ATP10D: variants seen among roughly 807,000 people sequenced by gnomAD.
The protein encoded by ATP10D is ATPase phospholipid transporting 10D (putative), also known as phospholipid-transporting ATPase VD.
ATP10D carries 89 observed loss-of-function variants against 144.8 expected under a neutral mutation model. That is an observed-to-expected ratio of 0.61 (90% CI 0.52 to 0.73). ATP10D has a LOEUF of 0.73. Among genes scored for constraint, ATP10D ranks in the 30% least tolerant of loss-of-function variants. The probability of loss-of-function intolerance (pLI) is 0.00; values close to 1 mark genes in which losing one functional copy is unlikely to be tolerated. For synonymous variants in ATP10D, 571 were observed against 615.1 expected (o/e 0.93, Z 1.06); for missense variants, 1,603 against 1,714.8 (o/e 0.93, Z 1.15).
intron 1 of ATP10D, among the ~76,000 whole-genome samples, chr4:47,498,292 T>C (rs1715503519): frequency 6.6e-6 from 1 of 152,244 alleles, no homozygotes; most frequent in Non-Finnish European, 1.5e-5. Context: ...GACTAGATAA[T>C]TATTTGTTGT....
At chr4:47,488,611 G>A (rs766558555) in intron 1 of ATP10D, among the ~76,000 whole-genome samples, 9 of 8,704 alleles carry the variant, frequency 1.0e-3, no homozygotes, top group African/African-American at 2.7e-3. Context: ...AATATAATAA[G>A]CAAAAAAAAA....
At chr4:47,494,527 T>G (rs182664840) in intron 1 of ATP10D, among the ~76,000 whole-genome samples, 15 of 99,204 alleles carry the variant, frequency 1.5e-4, no homozygotes, top group Admixed American at 1.4e-3. Flanking sequence ...CCTCATTTAT[T>G]GCTGGAAATT....
chr4:47,558,954 A>T lies in ATP10D; in HGVS notation c.2466A>T (p.Ile822=). The T allele has an allele frequency of 6.2e-7, 1 of 1,614,106 alleles. No individual in the cohort carries two copies. Among genetic ancestry groups the T allele is most frequent in the Non-Finnish European group, 8.5e-7 (1 of 1,180,004 alleles). The stretch of plus-strand genomic sequence containing the variant: ...CAAGTCTGGAGAAACAACAGATGAT[A>T]GTAAGGGAGAAAACCCAGAAGCACT... ...DGASLEKQQM[I]VREKTQKHLD... Residue 822 remains isoleucine, a synonymous_variant, in exon 13 of 23, where the codon ATA becomes ATT. Coordinates refer to ENST00000273859, the MANE Select transcript of ATP10D (RefSeq NM_020453.4).
In ATP10D at chr4:47,535,606, G is replaced by A. The variant is rs1254868676; in HGVS notation, c.874G>A (p.Val292Ile). Residue 292 changes from valine (V) to isoleucine (I), a missense_variant, in exon 6 of 23, where the codon GTT becomes ATT. By Grantham distance (29) the Val-to-Ile change is conservative. Transcript: ENST00000273859. ...RNTEAVVGIV[V>I]YAGHETKAML... Reference sequence around the variant, plus strand: ...CACAGAGGCTGTTGTGGGCATTGTGGTTTATGCAGGTCGGTTATGTTTCTA... The same window carrying A: ...CACAGAGGCTGTTGTGGGCATTGTGATTTATGCAGGTCGGTTATGTTTCTA... 3 of 1,610,454 alleles carry A rather than the reference G, an allele frequency of 1.9e-6. No individual in the cohort carries two copies. The highest frequency in any genetic ancestry group is 1.7e-5 in the Admixed American group (1 of 59,172).
In ATP10D at chr4:47,568,897, C is replaced by A. The variant is rs1178722673; in HGVS notation, c.2914C>A (p.Leu972Met). The change falls in exon 16 of 23, where the codon CTG becomes ATG. Residue 972 changes from leucine to methionine, a missense_variant. Leu to Met is a conservative substitution (Grantham distance 15, BLOSUM62 2). Coordinates refer to ENST00000273859, the MANE Select transcript of ATP10D (RefSeq NM_020453.4). ...AGAACTTCAGAAGAAAACTCAAGCC[C>A]TGCCAGAGCAAGTGTCATTAAGTGA... is the stretch of plus-strand genomic sequence containing the variant. ...LKELQKKTQA[L>M]PEQVSLSEDL... 1 of 1,614,068 alleles carries A rather than the reference C, an allele frequency of 6.2e-7. No individual in the cohort carries two copies. Among genetic ancestry groups the A allele is most frequent in the Non-Finnish European group, 8.5e-7 (1 of 1,180,056 alleles).
In ATP10D at chr4:47,558,210, G is replaced by T; in HGVS notation, c.2371G>T (p.Val791Phe). The change falls in exon 12 of 23, where the codon GTT (valine) becomes TTT (phenylalanine). Residue 791 changes from valine to phenylalanine, a missense_variant. Coordinates refer to ENST00000273859, the MANE Select transcript of ATP10D (RefSeq NM_020453.4). ...VVVRHPLSNQ[V>F]VVYTKGADSV... ...GGTCCGACACCCTCTTTCCAATCAA[G>T]TTGTGGTGTATACGAAAGGCGCTGA... 6.2e-7 allele frequency: 1 copy of T among 1,614,216 alleles called. No individual in the cohort carries two copies. Among genetic ancestry groups the T allele is most frequent in the Non-Finnish European group, 8.5e-7 (1 of 1,180,046 alleles).
In ATP10D at chr4:47,556,970, T is replaced by G. The variant is rs538179338; in HGVS notation, c.1825-694T>G. ...AAGCTACTTTGCTTACTGGTCCATTTAAAAGAAAATTCAAAGTAACAAACT... is the reference window on the plus strand; with the variant it reads ...AAGCTACTTTGCTTACTGGTCCATTGAAAAGAAAATTCAAAGTAACAAACT... On this transcript the variant is annotated intron_variant, in intron 11 of 22. Coordinates refer to ENST00000273859, the MANE Select transcript of ATP10D (RefSeq NM_020453.4). The G allele has an allele frequency of 3.3e-5, 5 of 152,292 alleles. No homozygotes were observed. In the East Asian group the frequency reaches 9.6e-4, roughly 29 times the overall value. The allele number at this position is 152,292 out of a possible 1,614,324, so 9.4% of individuals were successfully genotyped here.
At chr4:47,574,313 A>G (rs1034433405) in intron 18 of ATP10D, among the ~76,000 whole-genome samples, 2 of 152,326 alleles carry the variant, frequency 1.3e-5, no homozygotes, top group South Asian at 4.1e-4. Flanking sequence ...TTCCTGCTCT[A>G]TAATCCTTGA....
In ATP10D at chr4:47,557,832, C is replaced by A. The variant is rs142235555; in HGVS notation, c.1993C>A (p.Arg665=). 33 of 1,614,060 alleles carry A rather than the reference C, an allele frequency of 2.0e-5. No homozygotes were observed. Among genetic ancestry groups the A allele is most frequent in the Non-Finnish European group, 2.5e-5 (29 of 1,180,046 alleles). ...AFVSRLPLFS[R]MKPASPVEEE... is the part of the protein sequence containing the mutation. ...TGTGAGCAGACTCCCTCTCTTTAGT[C>A]GAATGAAACCAGCTTCACCTGTGGA... The change falls in exon 12 of 23, where the codon CGA becomes AGA. Residue 665 remains arginine (R), a synonymous_variant. Coordinates refer to ENST00000273859, the MANE Select transcript of ATP10D (RefSeq NM_020453.4).
chr4:47,505,511 G>A (rs1054381320), intron 1 of ATP10D, among the ~76,000 whole-genome samples: 23 of 152,228 alleles, frequency 1.5e-4, no homozygotes, highest in Admixed American at 4.6e-4. Flanking sequence ...ATCACCTGAG[G>A]TCAAGAGTTC....
chr4:47,580,456 T>G lies in ATP10D; in HGVS notation c.3626T>G (p.Val1209Gly). 6.2e-7 allele frequency: 1 copy of G among 1,613,450 alleles called. No individual in the cohort carries two copies. Among genetic ancestry groups the G allele is most frequent in the Non-Finnish European group, 8.5e-7 (1 of 1,179,438 alleles). Residue 1209 changes from valine (V) to glycine (G), a missense_variant, in exon 20 of 23, where the codon GTC becomes GGC. Physicochemically the swap from Val to Gly is moderately radical, Grantham distance 109. Transcript: ENST00000273859. ...TTGGATGCTTTTTATCAAAGCCTGG[T>G]CTGCTTCTTTGTGCCTTATTTTGTG... is the stretch of plus-strand genomic sequence containing the variant. ...TLLDAFYQSL[V>G]CFFVPYFTYQ...
intron 16 of ATP10D, among the ~76,000 whole-genome samples, chr4:47,570,165 C>A (rs751733520): frequency 8.5e-4 from 129 of 152,210 alleles, no homozygotes; most frequent in Non-Finnish European, 1.5e-3. Context: ...GAGATGATGG[C>A]AGCTTGGGCA....
At chr4:47,522,614 A>G (rs1390453332) in intron 3 of ATP10D, among the ~76,000 whole-genome samples, 2 of 152,172 alleles carry the variant, frequency 1.3e-5, no homozygotes, top group Non-Finnish European at 2.9e-5. Flanking sequence ...CTGTCGCCCA[A>G]GCTGGAGTGC....
chr4:47,516,877 TA>T (rs2109404239), intron 3 of ATP10D, among the ~76,000 whole-genome samples: 1 of 152,332 alleles, frequency 6.6e-6, no homozygotes, highest in South Asian at 2.1e-4. Flanking sequence ...AGCATTTGAC[TA>T]AAACAGTTCT....
rs946622168 is a variant in ATP10D at position 47,592,552 on chromosome 4, T to C, written c.*1171T>C. The C allele has an allele frequency of 8.5e-5, 13 of 152,538 alleles. No homozygotes were observed. Among genetic ancestry groups the C allele is most frequent in the African/African-American group, 7.2e-5 (3 of 41,440 alleles). 9.4% of individuals were successfully genotyped at this position (152,538 alleles called of 1,614,324 possible). A position where few individuals can be genotyped will look rare whatever the true frequency, so the allele number is the denominator to read the frequency against. ...CAGGTGCTACTATAAAATCATATAT[T>C]CCTGTTGAAGTTCTTTTGAAGTCCT... is the stretch of plus-strand genomic sequence containing the variant. On this transcript the variant is annotated 3_prime_UTR_variant, in exon 23 of 23. Coordinates refer to ENST00000273859, the MANE Select transcript of ATP10D (RefSeq NM_020453.4).
intron 9 of ATP10D, among the ~76,000 whole-genome samples, chr4:47,542,424 CTGAGCCTGGAATTA>C: frequency 1.3e-5 from 2 of 151,762 alleles, no homozygotes; most frequent in East Asian, 3.9e-4. Context: ...AAAATTCTCA[CTGAGCCTGGAATTA>C]TAGCTCCAGT....
In ATP10D at chr4:47,558,220, A is replaced by G; in HGVS notation, c.2381A>G (p.Tyr794Cys). Reference sequence around the variant, plus strand: ...CCTCTTTCCAATCAAGTTGTGGTGTATACGAAAGGCGCTGATTCTGTGATC... The same window carrying G: ...CCTCTTTCCAATCAAGTTGTGGTGTGTACGAAAGGCGCTGATTCTGTGATC... ...RHPLSNQVVV[Y>C]TKGADSVIME... Residue 794 changes from tyrosine to cysteine, a missense_variant, in exon 12 of 23, where the codon TAT becomes TGT. Transcript: ENST00000273859. 6.2e-7 allele frequency: 1 copy of G among 1,614,244 alleles called. No homozygotes were observed.
chr4:47,560,523 A>C lies in ATP10D; in HGVS notation c.2542-426A>C, dbSNP rs535106089. ...ACAAAACAAAACAAACAAACAAAAA[A>C]AACATCAAAAGGTATGAAAGGTGCT... On this transcript the variant is annotated intron_variant, in intron 13 of 22. Transcript: ENST00000273859. 3.3e-5 allele frequency among the ~76,000 whole-genome samples: 5 copies of C among 152,278 alleles called. No individual in the cohort carries two copies. In the East Asian group the frequency reaches 9.7e-4, roughly 29 times the overall value.
chr4:47,530,253 A>G (rs1162852157), intron 5 of ATP10D, among the ~76,000 whole-genome samples: 1 of 150,360 alleles, frequency 6.7e-6, no homozygotes, highest in Admixed American at 6.6e-5. Context: ...AATGCTTTCA[A>G]CTTTCCCCCT....
Sources: allele counts gnomAD v4.1 joint callset (sites outside exome capture counted in the v4.1 genomes callset), GRCh38; gene constraint gnomAD v4.1.1; transcripts MANE v1.5; gene names NCBI Gene and HGNC (gene_info 2026-07-23, HGNC 2026-07-21).